Variants in MUSK observed in about 807,000 individuals in gnomAD.
MUSK encodes the protein muscle, skeletal receptor tyrosine-protein kinase.
Under a neutral mutation model 88.7 loss-of-function variants are expected in MUSK, and 55 were observed. That is an observed-to-expected ratio of 0.62 (90% confidence interval 0.50 to 0.78). MUSK has a LOEUF of 0.78. MUSK is among the 30% of genes least tolerant of loss of function. The pLI is 0.00. For missense variants in MUSK, 1,015 were observed against 1,074.3 expected, an observed-to-expected ratio of 0.94 and a Z score of 0.77; for synonymous variants, 387 against 391.9, an observed-to-expected ratio of 0.99 and a Z score of 0.15.
intron 6 of MUSK, among the ~76,000 whole-genome samples, chr9:110,739,279 AT>A (rs1397636488): frequency 6.6e-6 from 1 of 152,180 alleles, no homozygotes; most frequent in Non-Finnish European, 1.5e-5. Flanking sequence ...TCAAAGAGGC[AT>A]CAGTTTTCCT....
At chr9:110,765,136 T>G (rs1050668636) in intron 8 of MUSK, among the ~76,000 whole-genome samples, 11 of 152,220 alleles carry the variant, frequency 7.2e-5, no homozygotes, top group Admixed American at 5.2e-4. Context: ...AAATGTCTAT[T>G]ATTTTTAAAA....
intron 2 of MUSK, among the ~76,000 whole-genome samples, chr9:110,683,847 GTTGT>G (rs1474158317): frequency 6.6e-6 from 1 of 151,994 alleles, no homozygotes; most frequent in African/African-American, 2.4e-5. Context: ...TTACTATAGA[GTTGT>G]TTGAGCTCCA....
intron 11 of MUSK, among the ~76,000 whole-genome samples, chr9:110,780,190 T>G (rs769285325): frequency 5.9e-5 from 9 of 152,214 alleles, no homozygotes; most frequent in Non-Finnish European, 7.3e-5. Context: ...CGTTTTTGCT[T>G]CTTCTTTTTC....
intron 7 of MUSK, among the ~76,000 whole-genome samples, chr9:110,754,395 T>C (rs942855436): frequency 2.0e-5 from 3 of 152,246 alleles, no homozygotes; most frequent in Non-Finnish European, 4.4e-5. Context: ...TGGTGGGATA[T>C]TTTGAGAATT....
rs142349927 is a variant in MUSK at position 110,731,444 on chromosome 9, G to A, written c.629-2807G>A. ...GACATCTGCTATCTCCTTTGAGAAG[G>A]GAGGAAGACTGGGAGGAAGGGTGGA... On this transcript the variant is annotated intron_variant, in intron 5 of 14. Transcript: ENST00000374448. Among the ~76,000 whole-genome samples the A allele has an allele frequency of 1.5e-4, 23 of 152,164 alleles. No individual in the cohort carries two copies. The East Asian group carries it at 4.5e-3, about 29-fold the overall frequency.
rs1204486733 is a variant in MUSK at position 110,681,055 on chromosome 9, TATTATATATATA to T, written c.80-1616_80-1605del. On this transcript the variant is annotated intron_variant, in intron 1 of 14. Coordinates refer to ENST00000374448, the MANE Select transcript of MUSK (RefSeq NM_005592.4). ...TATATATTATATAATATATATTATA[TATTATATATATA>T]ATATTATATATATTATATAATATAT... 7.5e-4 allele frequency among the ~76,000 whole-genome samples: 29 copies of T among 38,578 alleles called. 4 individuals carry two copies. Among genetic ancestry groups the T allele is most frequent in the African/African-American group, 4.3e-3 (24 of 5,624 alleles). 25.3% of individuals were successfully genotyped at this position (38,578 alleles called of 152,430 possible).
At chr9:110,690,904 G>T (rs558287486) in intron 3 of MUSK, among the ~76,000 whole-genome samples, 2 of 143,912 alleles carry the variant, frequency 1.4e-5, no homozygotes, top group Non-Finnish European at 3.0e-5. Context: ...ACGGAGTCTC[G>T]CTCAGGCTGG....
chr9:110,738,748 G>C (rs1242829631), intron 6 of MUSK, among the ~76,000 whole-genome samples: 1 of 152,148 alleles, frequency 6.6e-6, no homozygotes, highest in African/African-American at 2.4e-5. Flanking sequence ...TGATGCACTT[G>C]TAAGTTGGCT....
chr9:110,687,222 T>C lies in MUSK; in HGVS notation c.312T>C (p.Gly104=), dbSNP rs56181115. 3.7e-4 allele frequency: 605 copies of C among 1,613,822 alleles called. 7 individuals carry two copies. In the South Asian group the frequency reaches 4.6e-3, roughly 12 times the overall value. ...TTTACTGCTGCACGGCCAACAATGG[T>C]GTGGGAGGAGCTGTGGAGAGTTGTG... The part of the protein sequence containing the change: ...DGIYCCTANN[G]VGGAVESCGA... Residue 104 remains glycine, a synonymous_variant, in exon 3 of 15, where the codon GGT becomes GGC. Coordinates refer to ENST00000374448, the MANE Select transcript of MUSK (RefSeq NM_005592.4).
In MUSK at chr9:110,805,557, T is replaced by C. The variant is rs539400036; in HGVS notation, c.*4569T>C. Among the ~76,000 whole-genome samples, 49 of 152,118 alleles carry C rather than the reference T, an allele frequency of 3.2e-4. No individual in the cohort carries two copies. The East Asian group carries it at 8.1e-3, about 25-fold the overall frequency. The stretch of plus-strand genomic sequence containing the variant: ...AAGAGCACTTTATATATTAAGGAGT[T>C]AAATTTTGTGATATATGTTTCAACT... On this transcript the variant is annotated 3_prime_UTR_variant, in exon 15 of 15. Transcript: ENST00000374448.
chr9:110,682,621 G>T (rs865970068), intron 1 of MUSK, 53 bp from the exon 2 acceptor site: 1 of 1,592,906 alleles, frequency 6.3e-7, no homozygotes, highest in Non-Finnish European at 8.6e-7. Flanking sequence ...TTAAGGAAGG[G>T]TTAGTAAACA....
chr9:110,698,615 C>T (rs773381764), intron 5 of MUSK, among the ~76,000 whole-genome samples: 1 of 152,042 alleles, frequency 6.6e-6, no homozygotes, highest in Non-Finnish European at 1.5e-5. Flanking sequence ...TCGTTTCCCA[C>T]GTTTGCCTCC....
rs566180521 is a variant in MUSK, at chr9:110,803,095, G to A, written c.*2107G>A. Among the ~76,000 whole-genome samples, 35 of 152,248 alleles carry A rather than the reference G, an allele frequency of 2.3e-4. 1 individual carries two copies. The South Asian group carries it at 7.2e-3, about 32-fold the overall frequency. ...CTCTGCAAAATTCAAAGACAGCTTC[G>A]GGCTTTCTCCGCTGATAAAGTTTTG... is the stretch of plus-strand genomic sequence containing the variant. On this transcript the variant is annotated 3_prime_UTR_variant, in exon 15 of 15. Transcript: ENST00000374448.
chr9:110,739,698 A>C lies in MUSK; in HGVS notation c.753+5323A>C, dbSNP rs546739158. ...TCGAGCCCATTGAGTTAGCCCTTCA[A>C]CTTTTTACTGCACAGCAGTAAAACA... is the stretch of plus-strand genomic sequence containing the variant. On this transcript the variant is annotated intron_variant, in intron 6 of 14. Transcript: ENST00000374448. Among the ~76,000 whole-genome samples, 11 of 152,234 alleles carry C rather than the reference A, an allele frequency of 7.2e-5. No individual in the cohort carries two copies. In the South Asian group the frequency reaches 2.3e-3, roughly 32 times the overall value.
At chr9:110,676,108 T>C (rs1328613254) in intron 1 of MUSK, among the ~76,000 whole-genome samples, 1 of 151,982 alleles carries the variant, frequency 6.6e-6, no homozygotes, top group Non-Finnish European at 1.5e-5. Flanking sequence ...AAATTAACAC[T>C]TCTTTGGCAT....
intron 6 of MUSK, among the ~76,000 whole-genome samples, chr9:110,744,317 A>G (rs1220254209): frequency 6.6e-6 from 1 of 152,216 alleles, no homozygotes; most frequent in Non-Finnish European, 1.5e-5. Flanking sequence ...AGCTGGAACT[A>G]TCTGCAAGAC....
chr9:110,785,740 A>G lies in MUSK; in HGVS notation c.1778+22A>G, dbSNP rs374323582. The G allele has an allele frequency of 3.6e-5, 57 of 1,573,622 alleles. No homozygotes were observed. The African/African-American group carries it at 6.4e-4, about 18-fold the overall frequency. ...CAAGGTAAAGTTACCTATGGAAAAA[A>G]AAACTCCATTGAAATATGTTATGTC... is the stretch of plus-strand genomic sequence containing the variant. On this transcript the variant is annotated intron_variant, in intron 13 of 14. Coordinates refer to ENST00000374448, the MANE Select transcript of MUSK (RefSeq NM_005592.4).
chr9:110,688,780 C>A (rs1011882741), intron 3 of MUSK, among the ~76,000 whole-genome samples: 1 of 151,828 alleles, frequency 6.6e-6, no homozygotes, highest in Admixed American at 6.6e-5. Flanking sequence ...CATGTCCCTG[C>A]AAAGGACATG....
chr9:110,703,503 C>G (rs1056689857), intron 5 of MUSK, among the ~76,000 whole-genome samples: 1 of 151,746 alleles, frequency 6.6e-6, no homozygotes, highest in Non-Finnish European at 1.5e-5. Flanking sequence ...ACACTCCAGC[C>G]TGGGCAACAG....
Sources: allele counts gnomAD v4.1 joint callset (sites outside exome capture counted in the v4.1 genomes callset), GRCh38; gene constraint gnomAD v4.1.1; transcripts MANE v1.5; gene names NCBI Gene and HGNC (gene_info 2026-07-23, HGNC 2026-07-21).